Variants in RASGEF1B observed in about 807,000 individuals in gnomAD.
RASGEF1B encodes RasGEF domain family member 1B, also known as ras-GEF domain-containing family member 1B.
In RASGEF1B, 30 loss-of-function variants were observed where a neutral mutation model predicts 65.7. That is an observed-to-expected ratio of 0.46 (90% CI 0.34 to 0.62). The LOEUF (loss-of-function observed/expected upper bound fraction) is 0.62. Among genes scored for constraint, RASGEF1B ranks in the 20% least tolerant of loss-of-function variants. RASGEF1B has a pLI of 0.01. For missense variants in RASGEF1B, 495 were observed against 580.1 expected, an observed-to-expected ratio of 0.85 and a Z score of 1.51; for synonymous variants, 175 against 194.8, an observed-to-expected ratio of 0.90 and a Z score of 0.85.
At chr4:81,466,237 T>C (rs1280873693) in intron 1 of RASGEF1B, among the ~76,000 whole-genome samples, 1 of 152,178 alleles carries the variant, frequency 6.6e-6, no homozygotes, top group Non-Finnish European at 1.5e-5. Flanking sequence ...ACAACTTGTT[T>C]CTTCCTTTTC....
At chr4:81,444,142 T>G (rs1306140106) in intron 8 of RASGEF1B, among the ~76,000 whole-genome samples, 1 of 152,230 alleles carries the variant, frequency 6.6e-6, no homozygotes, top group African/African-American at 2.4e-5. Flanking sequence ...TTATTTGTCT[T>G]TTCATTGATT....
intron 10 of RASGEF1B, 106 bp from the exon 11 acceptor site, chr4:81,434,840 G>T (rs1333277881): frequency 4.5e-6 from 3 of 667,580 alleles, no homozygotes; most frequent in African/African-American, 3.6e-5. Context: ...TATATGAAAG[G>T]CCACAAAGAA....
At chr4:81,435,317 A>C (rs1411962294) in intron 10 of RASGEF1B, among the ~76,000 whole-genome samples, 1 of 147,966 alleles carries the variant, frequency 6.8e-6, no homozygotes, top group Admixed American at 6.7e-5. Context: ...AGGCTGAGGC[A>C]GGAGAATGGC....
intron 1 of RASGEF1B, among the ~76,000 whole-genome samples, chr4:81,468,359 A>G (rs913066906): frequency 3.9e-5 from 6 of 152,150 alleles, no homozygotes; most frequent in African/African-American, 1.4e-4. Flanking sequence ...TCTCTTTTAG[A>G]TCAATAGAAA....
chr4:81,429,782 C>A (rs1403536263), intron 13 of RASGEF1B, among the ~76,000 whole-genome samples: 1 of 151,808 alleles, frequency 6.6e-6, no homozygotes, highest in Admixed American at 6.6e-5. Context: ...CGGGATGAGG[C>A]GGAGTTTGGC....
In RASGEF1B at chr4:81,457,218, G is replaced by A. The variant is rs142183022; in HGVS notation, c.300+281C>T. Among the ~76,000 whole-genome samples, 565 of 152,250 alleles carry A rather than the reference G, an allele frequency of 3.7e-3. 2 individuals carry two copies. The highest frequency in any genetic ancestry group is 5.4e-3 in the Non-Finnish European group (367 of 68,012). Reference sequence around the variant, plus strand: ...TTTCAGTAGAGGTGGGGTTTCACACGTTGGCCAGGCTGGTCTCAAAACTCC... The same window carrying A: ...TTTCAGTAGAGGTGGGGTTTCACACATTGGCCAGGCTGGTCTCAAAACTCC... On this transcript the variant is annotated intron_variant, in intron 3 of 13. Coordinates refer to ENST00000264400, the MANE Select transcript of RASGEF1B (RefSeq NM_152545.3).
chr4:81,447,105 G>A (rs1359491332), intron 6 of RASGEF1B, among the ~76,000 whole-genome samples: 3 of 152,216 alleles, frequency 2.0e-5, no homozygotes, highest in Non-Finnish European at 2.9e-5. Flanking sequence ...TGCTCAGCAA[G>A]CTGGATGTGC....
chr4:81,465,660 C>T (rs1722779886), intron 1 of RASGEF1B, among the ~76,000 whole-genome samples: 1 of 152,218 alleles, frequency 6.6e-6, no homozygotes, highest in Non-Finnish European at 1.5e-5. Context: ...TGAAAAGCTG[C>T]CTTTTTCTAA....
intron 9 of RASGEF1B, among the ~76,000 whole-genome samples, chr4:81,441,988 C>A (rs760804673): frequency 6.6e-5 from 10 of 152,168 alleles, no homozygotes; most frequent in Non-Finnish European, 1.5e-4. Flanking sequence ...CTAATAGGCT[C>A]ACAGTGAAGT....
At chr4:81,464,787 C>A (rs530869145) in intron 1 of RASGEF1B, among the ~76,000 whole-genome samples, 224 of 152,236 alleles carry the variant, frequency 1.5e-3, no homozygotes, top group African/African-American at 5.1e-3. Flanking sequence ...GCTCCTTAGA[C>A]ATCAAGAAAC....
At chr4:81,460,552 A>T (rs1722606052) in intron 1 of RASGEF1B, among the ~76,000 whole-genome samples, 1 of 152,144 alleles carries the variant, frequency 6.6e-6, no homozygotes, top group African/African-American at 2.4e-5. Context: ...ATGCCAAAAG[A>T]TATTTGCATC....
rs1721257082 is a variant in RASGEF1B, at chr4:81,427,195, A to G, written c.*573T>C. 1 of 152,794 alleles carries G rather than the reference A, an allele frequency of 6.5e-6. No homozygotes were observed. Among genetic ancestry groups the G allele is most frequent in the East Asian group, 1.9e-4 (1 of 5,174 alleles). 9.5% of individuals were successfully genotyped at this position (152,794 alleles called of 1,614,324 possible). ...GGAGGAGGGAGGAGAAAAATTTACA[A>G]CACAGCACATACTAAGGGGAAACAA... On this transcript the variant is annotated 3_prime_UTR_variant, in exon 14 of 14. Coordinates refer to ENST00000264400, the MANE Select transcript of RASGEF1B (RefSeq NM_152545.3).
At chr4:81,447,460 T>A (rs755108571) in intron 6 of RASGEF1B, 44 bp downstream of exon 6, 6 of 1,387,970 alleles carry the variant, frequency 4.3e-6, no homozygotes, top group Non-Finnish European at 6.2e-6. Flanking sequence ...GACTGATAAA[T>A]CCCATTTTTG....
At chr4:81,454,550 G>C (rs976185652) in intron 4 of RASGEF1B, 1 of 152,194 alleles carries the variant, frequency 6.6e-6, no homozygotes, top group Admixed American at 6.5e-5. Context: ...CACTGACCCT[G>C]CCAAGGAACT....
intron 4 of RASGEF1B, among the ~76,000 whole-genome samples, chr4:81,449,861 A>G (rs1338758876): frequency 6.6e-6 from 1 of 152,218 alleles, no homozygotes; most frequent in Non-Finnish European, 1.5e-5. Context: ...ACTCTTGCAT[A>G]GTCAAGGTGT....
At chr4:81,448,831 T>C (rs1437884673) in intron 4 of RASGEF1B, among the ~76,000 whole-genome samples, 3 of 152,152 alleles carry the variant, frequency 2.0e-5, no homozygotes, top group Admixed American at 6.5e-5. Flanking sequence ...TTTGTTTTCT[T>C]TGAGATGGAG....
At chr4:81,457,382 A>T in intron 3 of RASGEF1B, 117 bp downstream of exon 3, 2 of 903,238 alleles carry the variant, frequency 2.2e-6, no homozygotes, top group Non-Finnish European at 3.4e-6. Flanking sequence ...TATAGCCATG[A>T]TGCCATTTAT....
intron 8 of RASGEF1B, among the ~76,000 whole-genome samples, chr4:81,443,191 A>G (rs1322023105): frequency 6.6e-6 from 1 of 152,242 alleles, no homozygotes; most frequent in African/African-American, 2.4e-5. Context: ...TTGTACAGAA[A>G]AGGAACCCAT....
intron 9 of RASGEF1B, 119 bp downstream of exon 9, chr4:81,442,178 G>C: frequency 1.4e-6 from 1 of 716,174 alleles, no homozygotes; most frequent in Non-Finnish European, 2.5e-6. Flanking sequence ...CCCTGGGTCT[G>C]TAAAGATAGA....
Sources: allele counts gnomAD v4.1 joint callset (sites outside exome capture counted in the v4.1 genomes callset), GRCh38; gene constraint gnomAD v4.1.1; transcripts MANE v1.5; gene names NCBI Gene and HGNC (gene_info 2026-07-23, HGNC 2026-07-21).